The following HDAC9 variants were observed in gnomAD, a reference collection of about 807,000 sequenced individuals.
HDAC9 encodes histone deacetylase 9.
Under a neutral mutation model 139.4 loss-of-function variants are expected in HDAC9, and 41 were observed. The observed-to-expected ratio is 0.29, with a 90% CI of 0.23 to 0.38. The LOEUF is 0.38. Among genes scored for constraint, HDAC9 ranks in the 10% least tolerant of loss-of-function variants. The probability of loss-of-function intolerance (pLI) is 1.00; values close to 1 mark genes in which losing one functional copy is unlikely to be tolerated. For synonymous variants in HDAC9, 517 were observed against 476.2 expected, an observed-to-expected ratio of 1.09 and a Z score of -1.12; for missense variants, 1,147 against 1,297.0, an observed-to-expected ratio of 0.88 and a Z score of 1.78.
chr7:18,856,957 A>G (rs1797727211), intron 21 of HDAC9, among the ~76,000 whole-genome samples: 1 of 152,146 alleles, frequency 6.6e-6, no homozygotes, highest in South Asian at 2.1e-4. Context: ...GAAGGAAATC[A>G]CAGTGCAGTT....
At chr7:18,242,122 C>T (rs1794227904) in intron 2 of HDAC9, among the ~76,000 whole-genome samples, 1 of 151,852 alleles carries the variant, frequency 6.6e-6, no homozygotes, top group Non-Finnish European at 1.5e-5. Flanking sequence ...ATCTGCTTGT[C>T]ATTCCCCAAT....
rs531102519 is a variant in HDAC9 at position 18,936,101 on chromosome 7, A to G, written c.2937+159A>G. On this transcript the variant is annotated intron_variant, in intron 23 of 25. Coordinates refer to ENST00000686413, the MANE Select transcript of HDAC9 (RefSeq NM_178425.4). ...CTTAGATAAGTTTACATGTTCTCGT[A>G]TACTACAATGTTATCCCAGGTACAG... is the stretch of plus-strand genomic sequence containing the variant. Among the ~76,000 whole-genome samples, 4 of 152,340 alleles carry G rather than the reference A, an allele frequency of 2.6e-5. No homozygotes were observed. In the South Asian group the frequency reaches 6.2e-4, roughly 24 times the overall value.
chr7:18,557,697 A>G (rs1166531949), intron 2 of HDAC9, among the ~76,000 whole-genome samples: 1 of 148,350 alleles, frequency 6.7e-6, no homozygotes, highest in Non-Finnish European at 1.5e-5. Context: ...TTAAAAATAT[A>G]TTTTATATTG....
chr7:18,518,848 T>C (rs1804065575), intron 2 of HDAC9, among the ~76,000 whole-genome samples: 1 of 152,250 alleles, frequency 6.6e-6, no homozygotes, highest in African/African-American at 2.4e-5. Flanking sequence ...GTTTTTGATA[T>C]TTCAAGGAAA....
chr7:18,736,900 C>T (rs1174282095), intron 13 of HDAC9, among the ~76,000 whole-genome samples: 9 of 152,154 alleles, frequency 5.9e-5, no homozygotes, highest in Admixed American at 3.9e-4. Context: ...TAATTATTGC[C>T]TCAATTTCGG....
chr7:18,925,906 C>T (rs1229286657), intron 22 of HDAC9, among the ~76,000 whole-genome samples: 1 of 151,756 alleles, frequency 6.6e-6, no homozygotes, highest in African/African-American at 2.4e-5. Flanking sequence ...GTTTTACTTG[C>T]TCTTCTTTAC....
chr7:18,438,134 A>G (rs964114135), intron 1 of HDAC9, among the ~76,000 whole-genome samples: 23 of 150,836 alleles, frequency 1.5e-4, no homozygotes, highest in African/African-American at 5.4e-4. Flanking sequence ...TAAATAGTAT[A>G]TAAGTTCTCA....
chr7:18,321,053 G>T (rs531659954), intron 1 of HDAC9, among the ~76,000 whole-genome samples: 1 of 152,232 alleles, frequency 6.6e-6, no homozygotes, highest in African/African-American at 2.4e-5. Flanking sequence ...TATTTTCATA[G>T]AACTTGACCA....
chr7:18,210,166 T>C (rs1791836790), intron 2 of HDAC9, among the ~76,000 whole-genome samples: 2 of 152,214 alleles, frequency 1.3e-5, no homozygotes, highest in South Asian at 4.1e-4. Context: ...GGGCATTTAT[T>C]GGGTACCTAG....
intron 1 of HDAC9, among the ~76,000 whole-genome samples, chr7:18,412,818 ACT>A (rs1221547913): frequency 1.3e-5 from 2 of 152,166 alleles, no homozygotes; most frequent in African/African-American, 2.4e-5. Context: ...GCAAAGGAAG[ACT>A]CTTCATCTAA....
At chr7:18,522,940 A>ACATCAC (rs1805561312) in intron 2 of HDAC9, among the ~76,000 whole-genome samples, 1 of 152,244 alleles carries the variant, frequency 6.6e-6, no homozygotes. Context: ...TAAATGATGT[A>ACATCAC]GTGTCTTGCT....
chr7:18,199,956 A>T (rs1338918706), intron 2 of HDAC9, among the ~76,000 whole-genome samples: 1 of 152,040 alleles, frequency 6.6e-6, no homozygotes, highest in Non-Finnish European at 1.5e-5. Flanking sequence ...GAGAGAAAAA[A>T]AATAATAAGA....
intron 2 of HDAC9, among the ~76,000 whole-genome samples, chr7:18,178,561 T>C (rs545506748): frequency 3.9e-5 from 6 of 152,296 alleles, no homozygotes; most frequent in African/African-American, 1.4e-4. Context: ...CTCTTTCCTT[T>C]TAGTAACTTG....
chr7:18,756,583 C>T (rs1189648136), intron 14 of HDAC9, among the ~76,000 whole-genome samples: 1 of 152,224 alleles, frequency 6.6e-6, no homozygotes, highest in Non-Finnish European at 1.5e-5. Context: ...TGTTTTATTG[C>T]ATTTCTATTG....
intron 2 of HDAC9, among the ~76,000 whole-genome samples, chr7:18,267,790 C>G (rs1007495484): frequency 5.9e-5 from 9 of 152,072 alleles, no homozygotes; most frequent in Non-Finnish European, 1.0e-4. Context: ...ATATTTACTT[C>G]ATTTCCTTTT....
intron 24 of HDAC9, among the ~76,000 whole-genome samples, chr7:18,961,108 T>G (rs192466046): frequency 6.6e-6 from 1 of 152,192 alleles, no homozygotes; most frequent in Non-Finnish European, 1.5e-5. Flanking sequence ...TTCGTATGTC[T>G]CTTCTCCTCT....
intron 2 of HDAC9, among the ~76,000 whole-genome samples, chr7:18,274,090 C>A (rs994211464): frequency 1.1e-4 from 17 of 152,064 alleles, no homozygotes; most frequent in Admixed American, 2.0e-4. Context: ...CCTAGGGATA[C>A]CTTCTCATAT....
At chr7:18,183,135 G>A (rs1162944547) in intron 2 of HDAC9, among the ~76,000 whole-genome samples, 4 of 151,552 alleles carry the variant, frequency 2.6e-5, no homozygotes, top group African/African-American at 9.7e-5. Context: ...TCAGCTTCCC[G>A]AGTAGCTGGG....
In HDAC9 at chr7:18,428,857, G is replaced by C. The variant is rs574851730; in HGVS notation, c.-41-67405G>C. On this transcript the variant is annotated intron_variant, in intron 1 of 3. Transcript: ENST00000413509. ...TCTTTCCTACCATGCTGGCCTTGCT[G>C]CACCATCCACATGCTGAGCACACAC... Among the ~76,000 whole-genome samples the C allele has an allele frequency of 2.0e-5, 3 of 152,242 alleles. No homozygotes were observed. The South Asian group carries it at 6.2e-4, about 32-fold the overall frequency.
Sources: allele counts gnomAD v4.1 joint callset (sites outside exome capture counted in the v4.1 genomes callset), GRCh38; gene constraint gnomAD v4.1.1; transcripts MANE v1.5; gene names NCBI Gene and HGNC (gene_info 2026-07-23, HGNC 2026-07-21).